Variants in TBC1D22A observed in about 807,000 individuals in gnomAD.
TBC1D22A encodes TBC1 domain family member 22A, also known as putative GTPase activator.
TBC1D22A carries 38 observed loss-of-function variants against 60.2 expected under a neutral mutation model. That is an observed-to-expected ratio of 0.63 (90% confidence interval 0.49 to 0.83). The LOEUF (loss-of-function observed/expected upper bound fraction) is 0.83, where lower values mean the gene tolerates loss of function less well. Ranked by LOEUF, TBC1D22A falls within the 40% of genes least tolerant of loss-of-function variation. The pLI, the probability that TBC1D22A is intolerant of heterozygous loss-of-function variation, is 0.00. For synonymous variants in TBC1D22A, 302 were observed against 281.7 expected (o/e 1.07, Z -0.72); for missense variants, 628 against 701.0 (o/e 0.90, Z 1.18).
intron 12 of TBC1D22A, among the ~76,000 whole-genome samples, chr22:47,139,060 G>A (rs950664621): frequency 5.3e-5 from 8 of 152,310 alleles, no homozygotes; most frequent in East Asian, 3.9e-4. Context: ...CTCTGCAGCC[G>A]TCTCCCCTGA....
chr22:46,899,564 G>C (rs1439191746), intron 7 of TBC1D22A, among the ~76,000 whole-genome samples: 1 of 152,146 alleles, frequency 6.6e-6, no homozygotes, highest in Non-Finnish European at 1.5e-5. Flanking sequence ...GGCAAATCCC[G>C]AATGTGCCTT....
chr22:47,091,420 C>G (rs1217501338), intron 11 of TBC1D22A, among the ~76,000 whole-genome samples: 1 of 146,898 alleles, frequency 6.8e-6, no homozygotes, highest in Non-Finnish European at 1.5e-5. Context: ...TGGGGAGTGG[C>G]CTCGCGGAGG....
At chr22:47,000,194 C>T (rs374590589) in intron 10 of TBC1D22A, among the ~76,000 whole-genome samples, 1 of 152,004 alleles carries the variant, frequency 6.6e-6, no homozygotes, top group East Asian at 1.9e-4. Flanking sequence ...AGAAAAGAGC[C>T]GAATTGCTCT....
At chr22:47,065,234 G>A (rs1389588301) in intron 11 of TBC1D22A, among the ~76,000 whole-genome samples, 1 of 152,228 alleles carries the variant, frequency 6.6e-6, no homozygotes, top group South Asian at 2.1e-4. Flanking sequence ...CTGACCTCAT[G>A]ATCCGCCCAC....
intron 9 of TBC1D22A, among the ~76,000 whole-genome samples, chr22:46,992,011 A>C (rs977358305): frequency 6.6e-6 from 1 of 152,220 alleles, no homozygotes; most frequent in Non-Finnish European, 1.5e-5. Context: ...CCTCGTTAGC[A>C]GTCAATGTGC....
At chr22:46,810,556 T>C (rs954755503) in intron 4 of TBC1D22A, among the ~76,000 whole-genome samples, 1 of 152,214 alleles carries the variant, frequency 6.6e-6, no homozygotes, top group Non-Finnish European at 1.5e-5. Context: ...AATCATCAAA[T>C]TTTTAAGTAA....
chr22:46,817,624 A>T (rs1308702091), intron 4 of TBC1D22A, among the ~76,000 whole-genome samples: 2 of 152,194 alleles, frequency 1.3e-5, no homozygotes, highest in Non-Finnish European at 2.9e-5. Flanking sequence ...CATGGTGTAT[A>T]TGTACCACAT....
chr22:47,105,646 C>A (rs868244155), intron 11 of TBC1D22A, among the ~76,000 whole-genome samples: 1 of 152,196 alleles, frequency 6.6e-6, no homozygotes, highest in Non-Finnish European at 1.5e-5. Context: ...GGGGAGCCCC[C>A]GTTCATGTTA....
rs1000642486 is a variant in TBC1D22A at position 47,028,822 on chromosome 22, G to A, written c.1202-8249G>A. On this transcript the variant is annotated intron_variant, in intron 10 of 12. Coordinates refer to ENST00000337137, the MANE Select transcript of TBC1D22A (RefSeq NM_014346.5). This position sits in a 1 kb window ranked among gnomAD's most constrained non-coding sequence, Gnocchi z 4.4. ...TCAGCCCTCAGGACCATTTAATGGTGGTGGGAGCATTCTGTTTGTCCCCAA... is the reference window on the plus strand; with the variant it reads ...TCAGCCCTCAGGACCATTTAATGGTAGTGGGAGCATTCTGTTTGTCCCCAA... 6.6e-6 allele frequency among the ~76,000 whole-genome samples: 1 copy of A among 152,176 alleles called. No individual in the cohort carries two copies. The highest frequency in any genetic ancestry group is 1.5e-5 in the Non-Finnish European group (1 of 68,024).
intron 11 of TBC1D22A, among the ~76,000 whole-genome samples, chr22:47,101,276 G>C (rs570038295): frequency 2.6e-5 from 4 of 152,374 alleles, no homozygotes; most frequent in South Asian, 2.1e-4. Flanking sequence ...TTCCTCTGCA[G>C]ACTGGCAGTG....
intron 12 of TBC1D22A, among the ~76,000 whole-genome samples, chr22:47,144,613 C>T (rs535482381): frequency 2.0e-5 from 3 of 152,386 alleles, no homozygotes; most frequent in African/African-American, 7.2e-5. Flanking sequence ...AGAGTCAGTG[C>T]CCACCACCTG....
At chr22:47,165,249 CA>C in intron 12 of TBC1D22A, among the ~76,000 whole-genome samples, 1 of 152,244 alleles carries the variant, frequency 6.6e-6, no homozygotes, top group African/African-American at 2.4e-5. Context: ...TGTCTCGCTC[CA>C]GGGGGTGCGC....
chr22:47,091,131 A>T (rs1286374121), intron 11 of TBC1D22A, among the ~76,000 whole-genome samples: 34 of 115,746 alleles, frequency 2.9e-4, no homozygotes, highest in African/African-American at 1.1e-3. Flanking sequence ...GGCCTCGGGG[A>T]GGGGGTGACT....
chr22:46,966,401 GC>G (rs962990198), intron 8 of TBC1D22A, among the ~76,000 whole-genome samples: 9 of 152,216 alleles, frequency 5.9e-5, no homozygotes, highest in Non-Finnish European at 1.0e-4. Flanking sequence ...CATGGGCACG[GC>G]CTCTCTTCCA....
In TBC1D22A at chr22:46,762,770, A is replaced by C. The variant is rs1241814208; in HGVS notation, c.-17A>C. ...TCGGGGTGTCTGGGCCGCGGGTCTG[A>C]GGGATGAGGAGGGGCCATGGCCAGC... On this transcript the variant is annotated 5_prime_UTR_variant, in exon 1 of 13. Coordinates refer to ENST00000337137, the MANE Select transcript of TBC1D22A (RefSeq NM_014346.5). 2.1e-6 allele frequency: 3 copies of C among 1,432,602 alleles called. No homozygotes were observed. The highest frequency in any genetic ancestry group is 3.8e-5 in the Admixed American group (1 of 26,636). 88.7% of individuals were successfully genotyped at this position (1,432,602 alleles called of 1,614,324 possible).
chr22:46,820,354 T>G (rs2085774602), intron 4 of TBC1D22A, among the ~76,000 whole-genome samples: 1 of 152,234 alleles, frequency 6.6e-6, no homozygotes, highest in Non-Finnish European at 1.5e-5. Flanking sequence ...CTTTCTGGCT[T>G]TCTAATGTGG....
intron 12 of TBC1D22A, chr22:47,115,939 G>A (rs1478723167): frequency 6.6e-6 from 1 of 152,254 alleles, no homozygotes. Context: ...GCACGGCATT[G>A]TAAAATTAGA....
chr22:47,123,433 C>T (rs1423164866), intron 12 of TBC1D22A, among the ~76,000 whole-genome samples: 2 of 152,244 alleles, frequency 1.3e-5, no homozygotes, highest in African/African-American at 2.4e-5. Context: ...TGCTTTTCTG[C>T]ATGCTTTCAT....
intron 1 of TBC1D22A, among the ~76,000 whole-genome samples, chr22:46,782,988 G>A (rs1300648763): frequency 1.3e-5 from 2 of 152,152 alleles, no homozygotes; most frequent in African/African-American, 4.8e-5. Context: ...GAATTGATGG[G>A]TCATGCGATA....
Sources: gnomAD v4.1 joint callset for allele counts (sites outside exome capture counted in the v4.1 genomes callset) on GRCh38, gnomAD v4.1.1 for gene constraint, Gnocchi (gnomAD v3.1) non-coding constraint, MANE v1.5 for transcripts, NCBI Gene and HGNC (gene_info 2026-07-23, HGNC 2026-07-21) for gene names.